ATP2C2: variants seen among roughly 807,000 people sequenced by gnomAD.
The protein encoded by ATP2C2 is ATPase secretory pathway Ca2+ transporting 2, also known as calcium-transporting ATPase type 2C member 2.
Under a neutral mutation model 110.8 loss-of-function variants are expected in ATP2C2, and 171 were observed. The ratio of observed to expected loss-of-function variants is 1.54; its 90% CI spans 1.36 to 1.75. ATP2C2 has a LOEUF of 1.75. Among genes scored for constraint, ATP2C2 ranks in the 40% most tolerant of loss-of-function variants. The probability of loss-of-function intolerance (pLI) is 0.00; values close to 1 mark genes in which losing one functional copy is unlikely to be tolerated. For synonymous variants in ATP2C2, 804 were observed against 508.4 expected, an observed-to-expected ratio of 1.58 and a Z score of -7.82; for missense variants, 1,963 against 1,235.0, an observed-to-expected ratio of 1.59 and a Z score of -8.84.
intron 15 of ATP2C2, among the ~76,000 whole-genome samples, chr16:84,443,928 A>C (rs1279605569): frequency 6.6e-6 from 1 of 152,178 alleles, no homozygotes; most frequent in African/African-American, 2.4e-5. Context: ...GCACTTTAAG[A>C]GGCTAAGGCG....
chr16:84,443,291 A>C (rs1909438479), intron 15 of ATP2C2, among the ~76,000 whole-genome samples: 1 of 152,180 alleles, frequency 6.6e-6, no homozygotes, highest in African/African-American at 2.4e-5. Flanking sequence ...GTCAGCTCCC[A>C]CGTCTGTTTC....
In ATP2C2 at chr16:84,414,293, G is replaced by A. The variant is rs183167831; in HGVS notation, c.516-1190G>A. ...CAGGGATCTGAGGTGGGAGCCGTGG[G>A]GTTAGTTAATTCAGGAGAGCACCCA... On this transcript the variant is annotated intron_variant, in intron 6 of 26. Coordinates refer to ENST00000262429, the MANE Select transcript of ATP2C2 (RefSeq NM_014861.4). Among the ~76,000 whole-genome samples, 424 of 152,224 alleles carry A rather than the reference G, an allele frequency of 2.8e-3. 1 individual carries two copies. The highest frequency in any genetic ancestry group is 0.017 in the Middle Eastern group (5 of 294).
chr16:84,371,029 C>A (rs1438355979), intron 1 of ATP2C2, among the ~76,000 whole-genome samples: 1 of 152,130 alleles, frequency 6.6e-6, no homozygotes, highest in Non-Finnish European at 1.5e-5. Context: ...GTGTACAAAA[C>A]AAAGTTCATA....
In ATP2C2 at chr16:84,405,127, G is replaced by C; in HGVS notation, c.211-1G>C. The C allele has an allele frequency of 6.2e-7, 1 of 1,613,662 alleles. No individual in the cohort carries two copies. Among genetic ancestry groups the C allele is most frequent in the Non-Finnish European group, 8.5e-7 (1 of 1,179,792 alleles). The stretch of plus-strand genomic sequence containing the variant: ...AGCTTGTGCCTGACCTCTCCTTCCA[G>C]GTGGACTTACACACTGGGCTGTCGG... On this transcript the variant is annotated splice_acceptor_variant, in intron 2 of 26. Transcript: ENST00000262429. LOFTEE classifies it high-confidence loss of function.
At chr16:84,443,127 C>T (rs1206060347) in intron 15 of ATP2C2, among the ~76,000 whole-genome samples, 1 of 152,020 alleles carries the variant, frequency 6.6e-6, no homozygotes, top group African/African-American at 2.4e-5. Flanking sequence ...GCATTCTGTG[C>T]TCAGAGGACA....
chr16:84,402,167 A>G (rs1905368100), intron 2 of ATP2C2, among the ~76,000 whole-genome samples: 1 of 152,130 alleles, frequency 6.6e-6, no homozygotes, highest in African/African-American at 2.4e-5. Flanking sequence ...TTATCATTTG[A>G]GTTTGTATCC....
rs368977624 is a variant in ATP2C2, at chr16:84,448,664, G to A, written c.1635G>A (p.Lys545=). The A allele has an allele frequency of 3.7e-6, 6 of 1,613,894 alleles. No individual in the cohort carries two copies. The highest frequency in any genetic ancestry group is 1.3e-5 in the African/African-American group (1 of 75,062). ...GGTCATTCTGCCTGCAGGAAGAGAA[G>A]AGGATGGGGTCGCTCGGTTTGCGGG... ...QQRSFCLQEE[K]RMGSLGLRVL... The change falls in exon 17 of 27, where the codon AAG becomes AAA. Residue 545 remains lysine, a synonymous_variant. Transcript: ENST00000262429.
intron 1 of ATP2C2, among the ~76,000 whole-genome samples, chr16:84,395,830 T>C (rs573601811): frequency 3.1e-4 from 47 of 152,264 alleles, no homozygotes; most frequent in African/African-American, 1.1e-3. Flanking sequence ...TGTGGTAAAA[T>C]ATACATAACA....
rs567672270 is a variant in ATP2C2 at position 84,461,451 on chromosome 16, A to C, written c.2482-263A>C. On this transcript the variant is annotated intron_variant, in intron 24 of 26. Coordinates refer to ENST00000262429, the MANE Select transcript of ATP2C2 (RefSeq NM_014861.4). The stretch of plus-strand genomic sequence containing the variant: ...GGCATCACCTCCCAGGGAGACAGTT[A>C]CTTCCTGGAGGAAGTGGTGTTTCCT... 5.2e-6 allele frequency: 3 copies of C among 574,366 alleles called. No individual in the cohort carries two copies. The African/African-American group carries it at 5.6e-5, about 11-fold the overall frequency. The allele number at this position is 574,366 out of a possible 1,614,324, so 35.6% of individuals were successfully genotyped here.
At chr16:84,403,693 CT>C (rs1042352729) in intron 2 of ATP2C2, among the ~76,000 whole-genome samples, 158 of 147,912 alleles carry the variant, frequency 1.1e-3, no homozygotes, top group African/African-American at 2.7e-3. Flanking sequence ...CTCCAGAATT[CT>C]TTTTTTTTTT....
chr16:84,423,140 C>T (rs1285882265), intron 9 of ATP2C2, 48 bp from the exon 10 acceptor site: 9 of 1,527,036 alleles, frequency 5.9e-6, no homozygotes, highest in East Asian at 2.2e-5. Flanking sequence ...CAAAGGCAGG[C>T]AGAAGCTAGG....
Position 84,413,421 on chromosome 16 carries a change from C to T in ATP2C2, c.516-2062C>T, listed in dbSNP as rs553985060. Among the ~76,000 whole-genome samples, 7 of 152,200 alleles carry T rather than the reference C, an allele frequency of 4.6e-5. No individual in the cohort carries two copies. The South Asian group carries it at 6.2e-4, about 14-fold the overall frequency. ...CAAGAAGAGGATGATACAGAATTGA[C>T]CCACATCACAGAGGGTGAGTCAATT... On this transcript the variant is annotated intron_variant, in intron 6 of 26. Coordinates refer to ENST00000262429, the MANE Select transcript of ATP2C2 (RefSeq NM_014861.4).
intron 1 of ATP2C2, among the ~76,000 whole-genome samples, chr16:84,385,046 C>A (rs968488834): frequency 6.6e-6 from 1 of 152,080 alleles, no homozygotes; most frequent in African/African-American, 2.4e-5. Context: ...GAGACTCTGT[C>A]TCAAAAAACA....
chr16:84,413,027 G>A (rs1347746652), intron 6 of ATP2C2, among the ~76,000 whole-genome samples: 1 of 151,608 alleles, frequency 6.6e-6, no homozygotes, highest in African/African-American at 2.4e-5. Context: ...TGAACCCAGA[G>A]ATGGAGGTTG....
intron 24 of ATP2C2, 148 bp downstream of exon 24, chr16:84,460,949 G>C: frequency 8.5e-7 from 1 of 1,171,490 alleles, no homozygotes; most frequent in Non-Finnish European, 1.2e-6. Context: ...CAGAGGCGTG[G>C]GGTGCATGAG....
intron 7 of ATP2C2, among the ~76,000 whole-genome samples, chr16:84,419,104 G>A (rs1034148454): frequency 2.0e-5 from 3 of 150,238 alleles, no homozygotes; most frequent in African/African-American, 7.4e-5. Flanking sequence ...AGCTACTCAG[G>A]AGACTGAGGC....
chr16:84,451,830 C>T (rs1910293949), intron 17 of ATP2C2, 91 bp from the exon 18 acceptor site: 2 of 1,320,398 alleles, frequency 1.5e-6, no homozygotes, highest in Non-Finnish European at 2.1e-6. Flanking sequence ...AAGAACAAAA[C>T]TCTCTTAAAA....
chr16:84,420,156 C>T (rs1301961092), intron 7 of ATP2C2, among the ~76,000 whole-genome samples: 1 of 152,180 alleles, frequency 6.6e-6, no homozygotes, highest in Non-Finnish European at 1.5e-5. Context: ...CACCTCTTCT[C>T]AGGGGCCTCC....
rs750793899 is a variant in ATP2C2 at position 84,463,601 on chromosome 16, T to C, written c.2723-13T>C. 3.7e-6 allele frequency: 6 copies of C among 1,606,190 alleles called. No individual in the cohort carries two copies. In the South Asian group the frequency reaches 4.4e-5, roughly 12 times the overall value. On this transcript the variant is annotated splice_polypyrimidine_tract_variant and intron_variant, in intron 26 of 26. Transcript: ENST00000262429. ...AGCCCGTCCTGAATCTTTTCTGTTTTCTCCCTTGGCAGATTTGCTGTTTTT... is the reference window on the plus strand; with the variant it reads ...AGCCCGTCCTGAATCTTTTCTGTTTCCTCCCTTGGCAGATTTGCTGTTTTT...
Sources: allele counts gnomAD v4.1 joint callset (sites outside exome capture counted in the v4.1 genomes callset), GRCh38; gene constraint gnomAD v4.1.1; transcripts MANE v1.5; gene names NCBI Gene and HGNC (gene_info 2026-07-23, HGNC 2026-07-21).